Variants in TENM4 observed in about 807,000 individuals in gnomAD.
The protein encoded by TENM4 is teneurin transmembrane protein 4.
Under a neutral mutation model 243.3 loss-of-function variants are expected in TENM4, and 82 were observed. The observed-to-expected ratio is 0.34, with a 90% CI of 0.28 to 0.40. The LOEUF is 0.40. Ranked by LOEUF, TENM4 falls within the 10% of genes least tolerant of loss-of-function variation. The pLI, the probability that TENM4 is intolerant of heterozygous loss-of-function variation, is 1.00. For missense variants in TENM4, 3,138 were observed against 3,673.3 expected (o/e 0.85, Z 3.77); for synonymous variants, 1,412 against 1,456.3 (o/e 0.97, Z 0.69).
At chr11:78,888,277 C>T (rs983197153) in intron 9 of TENM4, among the ~76,000 whole-genome samples, 1 of 152,222 alleles carries the variant, frequency 6.6e-6, no homozygotes, top group Non-Finnish European at 1.5e-5. Flanking sequence ...CTAAATATAG[C>T]CCCAGTATCT....
At chr11:79,204,277 T>C (rs901376914) in intron 3 of TENM4, among the ~76,000 whole-genome samples, 2 of 152,222 alleles carry the variant, frequency 1.3e-5, no homozygotes, top group Non-Finnish European at 2.9e-5. Context: ...ATGTCAATTA[T>C]GTCTAAATAA....
At chr11:79,143,639 C>T (rs988321303) in intron 4 of TENM4, among the ~76,000 whole-genome samples, 1 of 151,540 alleles carries the variant, frequency 6.6e-6, no homozygotes, top group Non-Finnish European at 1.5e-5. Context: ...AACAAACCTG[C>T]ATGTTGTGCA....
rs188915283 is a variant in TENM4 at position 79,263,065 on chromosome 11, G to A, written c.-265+34423C>T. On this transcript the variant is annotated intron_variant, in intron 2 of 33. Transcript: ENST00000278550. ...GCGAGAGGAAGATGGAAAGCATTTG[G>A]CCAGAACGCAGACCTCATTAACTCC... Among the ~76,000 whole-genome samples, 631 of 152,276 alleles carry A rather than the reference G, an allele frequency of 4.1e-3. 5 individuals carry two copies. The highest frequency in any genetic ancestry group is 0.014 in the African/African-American group (600 of 41,552).
chr11:79,089,854 C>T (rs1286952001), intron 4 of TENM4, among the ~76,000 whole-genome samples: 1 of 152,148 alleles, frequency 6.6e-6, no homozygotes, highest in Non-Finnish European at 1.5e-5. Context: ...GTTGTGTTGC[C>T]ATTTTATAGA....
intron 1 of TENM4, among the ~76,000 whole-genome samples, chr11:79,321,818 G>T (rs1340326462): frequency 6.6e-6 from 1 of 152,116 alleles, no homozygotes. Flanking sequence ...AAAGCTTGAG[G>T]TATCAGAAGG....
At chr11:79,111,053 C>T (rs1861492202) in intron 4 of TENM4, among the ~76,000 whole-genome samples, 1 of 152,064 alleles carries the variant, frequency 6.6e-6, no homozygotes, top group African/African-American at 2.4e-5. Flanking sequence ...CGGTGGGAGA[C>T]AATTGAATCA....
intron 1 of TENM4, among the ~76,000 whole-genome samples, chr11:79,386,345 T>C (rs544820971): frequency 1.3e-5 from 2 of 152,296 alleles, no homozygotes; most frequent in African/African-American, 4.8e-5. Flanking sequence ...TTCTTGACCT[T>C]GCAGCAGGCA....
chr11:78,831,643 C>T (rs1057405369), intron 12 of TENM4, among the ~76,000 whole-genome samples: 6 of 152,166 alleles, frequency 3.9e-5, no homozygotes, highest in East Asian at 1.9e-4. Context: ...GGTAGTGCAG[C>T]GGGGCTGGCA....
intron 2 of TENM4, among the ~76,000 whole-genome samples, chr11:79,276,867 C>T (rs1856065810): frequency 6.6e-6 from 1 of 152,140 alleles, no homozygotes; most frequent in South Asian, 2.1e-4. Context: ...GAGACCTAGC[C>T]CAGCTGCTCT....
At chr11:79,239,041 A>AAACG (rs1864537575) in intron 2 of TENM4, among the ~76,000 whole-genome samples, 1 of 152,050 alleles carries the variant, frequency 6.6e-6, no homozygotes, top group South Asian at 2.1e-4. Context: ...ACAAACAAAC[A>AAACG]AACACGCAAA....
intron 3 of TENM4, among the ~76,000 whole-genome samples, chr11:79,181,510 T>C (rs1046248623): frequency 1.3e-5 from 2 of 152,144 alleles, no homozygotes; most frequent in Admixed American, 6.5e-5. Flanking sequence ...TTCAAAGCTT[T>C]TCTGCTAAAA....
At chr11:79,225,988 C>T (rs1251456421) in intron 2 of TENM4, among the ~76,000 whole-genome samples, 1 of 152,216 alleles carries the variant, frequency 6.6e-6, no homozygotes, top group Non-Finnish European at 1.5e-5. Flanking sequence ...CTTCTAAATG[C>T]TGTCCAAACA....
At position 79,165,742 on chromosome 11, in the gene TENM4, T is replaced by C. The variant is rs190278589; in HGVS notation, c.-162-16936A>G. Among the ~76,000 whole-genome samples the C allele has an allele frequency of 7.0e-4, 107 of 152,366 alleles. 1 individual carries two copies. Among genetic ancestry groups the C allele is most frequent in the African/African-American group, 2.5e-3 (103 of 41,594 alleles). Reference sequence around the variant, plus strand: ...CCAGTATCTAGAAGGGTTTTTCCAATGTTATCTTCGAGAATTTTTATTGTT... The same window carrying C: ...CCAGTATCTAGAAGGGTTTTTCCAACGTTATCTTCGAGAATTTTTATTGTT... On this transcript the variant is annotated intron_variant, in intron 3 of 33. Coordinates refer to ENST00000278550, the MANE Select transcript of TENM4 (RefSeq NM_001098816.3).
At chr11:79,357,113 A>C (rs900242965) in intron 1 of TENM4, among the ~76,000 whole-genome samples, 2 of 152,176 alleles carry the variant, frequency 1.3e-5, no homozygotes, top group African/African-American at 4.8e-5. Context: ...CTGGTGCCAC[A>C]TTCCACATGG....
chr11:78,672,797 G>A (rs565017092), intron 30 of TENM4, among the ~76,000 whole-genome samples: 7 of 152,238 alleles, frequency 4.6e-5, no homozygotes, highest in African/African-American at 1.4e-4. Flanking sequence ...TGGATCTCGT[G>A]GCTGGTGAGT....
At chr11:79,439,980 G>C (rs1859364870) in intron 1 of TENM4, among the ~76,000 whole-genome samples, 2 of 151,976 alleles carry the variant, frequency 1.3e-5, no homozygotes. Context: ...AGCTGGGGTC[G>C]CATCTCCAGG....
chr11:79,078,103 C>T (rs1317764187), intron 4 of TENM4, among the ~76,000 whole-genome samples: 1 of 152,060 alleles, frequency 6.6e-6, no homozygotes, highest in East Asian at 1.9e-4. Flanking sequence ...GTACAGTGCT[C>T]GAAAAAACCT....
At chr11:78,759,763 T>C (rs889073183) in intron 18 of TENM4, among the ~76,000 whole-genome samples, 3 of 152,330 alleles carry the variant, frequency 2.0e-5, no homozygotes, top group Admixed American at 6.5e-5. Context: ...GAATCCTCTA[T>C]GAAGTAGCCA....
intron 1 of TENM4, among the ~76,000 whole-genome samples, chr11:79,340,107 T>A (rs1220630292): frequency 6.6e-6 from 1 of 152,216 alleles, no homozygotes; most frequent in Non-Finnish European, 1.5e-5. Flanking sequence ...AAAGGGAGCT[T>A]CGAATGGAAT....
Sources: allele counts gnomAD v4.1 joint callset (sites outside exome capture counted in the v4.1 genomes callset), GRCh38; gene constraint gnomAD v4.1.1; transcripts MANE v1.5; gene names NCBI Gene and HGNC (gene_info 2026-07-23, HGNC 2026-07-21).